The following TNFRSF19 variants were observed in gnomAD, a reference collection of about 807,000 sequenced individuals.
TNFRSF19 encodes tumor necrosis factor receptor superfamily member 19.
Under a neutral mutation model 46.4 loss-of-function variants are expected in TNFRSF19, and 27 were observed. That is an observed-to-expected ratio of 0.58 (90% CI 0.43 to 0.80). The LOEUF (loss-of-function observed/expected upper bound fraction) is 0.80. Ranked by LOEUF, TNFRSF19 falls within the 30% of genes least tolerant of loss-of-function variation. The probability of loss-of-function intolerance (pLI) is 0.00; values close to 1 mark genes in which losing one functional copy is unlikely to be tolerated. For synonymous variants in TNFRSF19, 204 were observed against 205.0 expected, an observed-to-expected ratio of 1.00 and a Z score of 0.04; for missense variants, 511 against 530.8, an observed-to-expected ratio of 0.96 and a Z score of 0.37.
rs1052412705 is a variant in TNFRSF19 at position 23,659,730 on chromosome 13, C to A, written c.610+516C>A. Reference sequence around the variant, plus strand: ...CCATGTTGGCCAGGCTGGTCTCGAACTCCTGACCTCGTGATCCGCCTGCCT... The same window carrying A: ...CCATGTTGGCCAGGCTGGTCTCGAAATCCTGACCTCGTGATCCGCCTGCCT... On this transcript the variant is annotated intron_variant, in intron 6 of 9. Coordinates refer to ENST00000248484, the MANE Select transcript of TNFRSF19 (RefSeq NM_148957.4). The surrounding 1 kb of genome is among the most constrained non-coding windows in gnomAD (Gnocchi z 4.9). Among the ~76,000 whole-genome samples, 18 of 152,160 alleles carry A rather than the reference C, an allele frequency of 1.2e-4. No homozygotes were observed. Among genetic ancestry groups the A allele is most frequent in the Non-Finnish European group, 7.3e-5 (5 of 68,028 alleles).
At chr13:23,662,134 G>A (rs931646979) in intron 7 of TNFRSF19, among the ~76,000 whole-genome samples, 1 of 152,142 alleles carries the variant, frequency 6.6e-6, no homozygotes, top group African/African-American at 2.4e-5. Flanking sequence ...GGATGGTATT[G>A]CTTAGGTTTT....
At chr13:23,652,254 C>T (rs151062573) in intron 5 of TNFRSF19, among the ~76,000 whole-genome samples, 110 of 152,246 alleles carry the variant, frequency 7.2e-4, no homozygotes, top group African/African-American at 2.6e-3. Flanking sequence ...CAGATTAATA[C>T]GACTAATTTG....
In TNFRSF19 at chr13:23,673,413, G is replaced by A; in HGVS notation, c.*33G>A. On this transcript the variant is annotated 3_prime_UTR_variant, in exon 10 of 10. Coordinates refer to ENST00000248484, the MANE Select transcript of TNFRSF19 (RefSeq NM_148957.4). ...GCTTCTTTCTGCAGTAGAAGCGTGTGCTGGAACCCAAAGAGTACTCCTTTG... is the reference window on the plus strand; with the variant it reads ...GCTTCTTTCTGCAGTAGAAGCGTGTACTGGAACCCAAAGAGTACTCCTTTG... The A allele has an allele frequency of 6.3e-7, 1 of 1,597,848 alleles. No individual in the cohort carries two copies. The highest frequency in any genetic ancestry group is 8.5e-7 in the Non-Finnish European group (1 of 1,170,456).
At position 23,668,888 on chromosome 13, in the gene TNFRSF19, T is replaced by A; in HGVS notation, c.1036T>A (p.Ser346Thr). Residue 346 changes from serine (S) to threonine (T), a missense_variant, in exon 9 of 10, where the codon TCT (serine) becomes ACT (threonine). By Grantham distance (58) the Ser-to-Thr change is moderately conservative. This residue lies in a region of TNFRSF19 where 376 missense variants were observed against 372.7 expected (regional missense o/e 1.01). Transcript: ENST00000248484. ...SLNPELESST[S>T]LDSNSSQDLV... ...CAATCCAGAACTTGAAAGCTCAACG[T>A]CTTTGGATTCAAATAGCAGTCAAGA... The A allele has an allele frequency of 6.2e-7, 1 of 1,614,248 alleles. No individual in the cohort carries two copies. Among genetic ancestry groups the A allele is most frequent in the South Asian group, 1.1e-5 (1 of 91,088 alleles).
Position 23,616,285 on chromosome 13 carries a change from T to C in TNFRSF19, c.359+240T>C, listed in dbSNP as rs113434183. 6.3e-3 allele frequency among the ~76,000 whole-genome samples: 956 copies of C among 152,228 alleles called. 10 individuals carry two copies. The highest frequency in any genetic ancestry group is 0.022 in the African/African-American group (917 of 41,530). ...GCATGCTAACAAAGGATTTCTGTTA[T>C]GAAAATCTAAGGAGTTCCTACAAAT... On this transcript the variant is annotated intron_variant, in intron 4 of 9. Coordinates refer to ENST00000248484, the MANE Select transcript of TNFRSF19 (RefSeq NM_148957.4).
At chr13:23,604,260 C>T (rs1027214156) in intron 3 of TNFRSF19, among the ~76,000 whole-genome samples, 9 of 82,134 alleles carry the variant, frequency 1.1e-4, no homozygotes, top group South Asian at 3.5e-4. Flanking sequence ...TATATTAGCA[C>T]CCCCCCCAAA....
intron 1 of TNFRSF19, among the ~76,000 whole-genome samples, chr13:23,576,740 T>A (rs1025301323): frequency 2.0e-5 from 3 of 152,244 alleles, no homozygotes; most frequent in African/African-American, 7.2e-5. Flanking sequence ...TAGGGAATAA[T>A]GACAAAATAA....
At chr13:23,657,725 G>A (rs558351009) in intron 5 of TNFRSF19, among the ~76,000 whole-genome samples, 7 of 151,420 alleles carry the variant, frequency 4.6e-5, no homozygotes, top group Admixed American at 2.0e-4. Flanking sequence ...ACAGAGTCTC[G>A]CTCTGTCGTC....
chr13:23,603,725 T>TAGCA (rs1293929243), intron 3 of TNFRSF19, among the ~76,000 whole-genome samples: 12 of 151,936 alleles, frequency 7.9e-5, no homozygotes, highest in African/African-American at 2.9e-4. Flanking sequence ...AAATCACATA[T>TAGCA]AGCAGTAAGT....
intron 1 of TNFRSF19, among the ~76,000 whole-genome samples, chr13:23,571,368 T>C (rs1877623070): frequency 1.3e-5 from 2 of 152,196 alleles, no homozygotes; most frequent in South Asian, 4.1e-4. Context: ...ATGCAGTTTG[T>C]ACACTCAAGG....
chr13:23,588,434 A>T (rs947073577), intron 1 of TNFRSF19, among the ~76,000 whole-genome samples: 2 of 152,172 alleles, frequency 1.3e-5, no homozygotes, highest in African/African-American at 4.8e-5. Context: ...AATGCTTCAC[A>T]ATTTGTCTGC....
chr13:23,575,795 C>G (rs141375242), intron 1 of TNFRSF19, among the ~76,000 whole-genome samples: 2 of 152,180 alleles, frequency 1.3e-5, no homozygotes, highest in African/African-American at 4.8e-5. Flanking sequence ...AGAAGTTAGG[C>G]AATTTTTCAT....
intron 1 of TNFRSF19, among the ~76,000 whole-genome samples, chr13:23,584,842 A>G (rs1011855679): frequency 6.6e-6 from 1 of 152,226 alleles, no homozygotes; most frequent in Admixed American, 6.5e-5. Flanking sequence ...CTAGGCTACA[A>G]AGAGATCTGC....
chr13:23,658,472 A>G (rs1884127785), intron 5 of TNFRSF19, among the ~76,000 whole-genome samples: 1 of 152,178 alleles, frequency 6.6e-6, no homozygotes, highest in Admixed American at 6.5e-5. Context: ...CCATAGTGTA[A>G]TAACAGTATT....
chr13:23,611,038 A>G (rs1880871955), intron 3 of TNFRSF19, among the ~76,000 whole-genome samples: 1 of 152,072 alleles, frequency 6.6e-6, no homozygotes, highest in Non-Finnish European at 1.5e-5. Flanking sequence ...ATAATCACAT[A>G]TCCCTTATCC....
At chr13:23,645,231 C>G (rs1883262164) in intron 5 of TNFRSF19, among the ~76,000 whole-genome samples, 1 of 152,102 alleles carries the variant, frequency 6.6e-6, no homozygotes, top group Admixed American at 6.5e-5. Context: ...TTGAGACAGT[C>G]TCACTATGTT....
At chr13:23,646,625 T>C (rs574099409) in intron 5 of TNFRSF19, among the ~76,000 whole-genome samples, 1 of 152,324 alleles carries the variant, frequency 6.6e-6, no homozygotes, top group East Asian at 1.9e-4. Context: ...TTTTCTTTCC[T>C]TTAAAAGGCT....
rs529373336 is a variant in TNFRSF19 at position 23,591,166 on chromosome 13, G to A, written c.69+914G>A. On this transcript the variant is annotated intron_variant, in intron 2 of 9. Transcript: ENST00000248484. ...TATGCAAAGTTTTCTTGAAAGACAAGGTTAGGCTGGATGCTGTGGCTCATG... is the reference window on the plus strand; with the variant it reads ...TATGCAAAGTTTTCTTGAAAGACAAAGTTAGGCTGGATGCTGTGGCTCATG... Among the ~76,000 whole-genome samples, 9 of 152,202 alleles carry A rather than the reference G, an allele frequency of 5.9e-5. No individual in the cohort carries two copies. The South Asian group carries it at 1.7e-3, about 28-fold the overall frequency.
chr13:23,572,952 T>C (rs1341229350), intron 1 of TNFRSF19, among the ~76,000 whole-genome samples: 2 of 152,244 alleles, frequency 1.3e-5, no homozygotes, highest in Admixed American at 6.5e-5. Context: ...TGAGTCCTGA[T>C]ACTGTCACCA....
Sources: allele counts gnomAD v4.1 joint callset (sites outside exome capture counted in the v4.1 genomes callset), GRCh38; gene constraint gnomAD v4.1.1; regional missense constraint gnomAD v4.1.1; non-coding constraint Gnocchi (gnomAD v3.1); transcripts MANE v1.5; gene names NCBI Gene and HGNC (gene_info 2026-07-23, HGNC 2026-07-21).